The following CLMN variants were observed in gnomAD, a reference collection of about 807,000 sequenced individuals.
CLMN encodes calmin (calponin-like, transmembrane).
A neutral mutation model predicts 92.7 loss-of-function variants in CLMN; 57 were observed. The ratio of observed to expected loss-of-function variants is 0.61; its 90% confidence interval spans 0.50 to 0.77. CLMN has a LOEUF of 0.77. CLMN is among the 30% of genes least tolerant of loss of function. The probability of loss-of-function intolerance (pLI) is 0.00; values close to 1 mark genes in which losing one functional copy is unlikely to be tolerated. For synonymous variants in CLMN, 466 were observed against 470.6 expected (o/e 0.99, Z 0.13); for missense variants, 1,158 against 1,237.5 (o/e 0.94, Z 0.96).
At chr14:95,285,494 G>A (rs2140748199) in intron 1 of CLMN, among the ~76,000 whole-genome samples, 1 of 152,338 alleles carries the variant, frequency 6.6e-6, no homozygotes, top group East Asian at 1.9e-4. Flanking sequence ...TGTGAACGCT[G>A]TCTGGGCCTC....
chr14:95,195,063 C>T (rs557011059), intron 10 of CLMN, among the ~76,000 whole-genome samples: 2 of 152,296 alleles, frequency 1.3e-5, no homozygotes, highest in South Asian at 4.1e-4. Context: ...CCAGTCCTAG[C>T]GGAATGGAGG....
intron 1 of CLMN, among the ~76,000 whole-genome samples, chr14:95,304,523 G>A (rs76833102): frequency 0.066 from 10,067 of 151,986 alleles, 364 homozygotes; most frequent in Middle Eastern, 0.092. Context: ...AGCCGGATCC[G>A]TGCATCCCCT....
At chr14:95,312,606 G>A (rs567854837) in intron 1 of CLMN, among the ~76,000 whole-genome samples, 55 of 152,228 alleles carry the variant, frequency 3.6e-4, no homozygotes, top group African/African-American at 9.4e-4. Context: ...GAGGCTGGCC[G>A]GCCTCACCCC....
intron 1 of CLMN, among the ~76,000 whole-genome samples, chr14:95,258,220 G>A (rs1899085136): frequency 6.6e-6 from 1 of 151,050 alleles, no homozygotes; most frequent in Admixed American, 6.6e-5. Context: ...GGTGTGTGTG[G>A]TGTGCATGGT....
intron 1 of CLMN, among the ~76,000 whole-genome samples, chr14:95,301,032 G>A (rs369301326): frequency 6.6e-6 from 1 of 152,368 alleles, no homozygotes; most frequent in East Asian, 1.9e-4. Context: ...GATGCACTAA[G>A]TAATTTTCCA....
At chr14:95,196,174 A>C (rs1896705668) in intron 10 of CLMN, among the ~76,000 whole-genome samples, 1 of 152,224 alleles carries the variant, frequency 6.6e-6, no homozygotes. Context: ...CAGCCAGCAG[A>C]GGCTCCAAGT....
At chr14:95,205,850 T>G (rs555402889) in intron 8 of CLMN, among the ~76,000 whole-genome samples, 1 of 151,952 alleles carries the variant, frequency 6.6e-6, no homozygotes, top group Non-Finnish European at 1.5e-5. Context: ...AGGGGATAAA[T>G]GCACACAAAA....
At chr14:95,273,274 C>T (rs879707198) in intron 1 of CLMN, among the ~76,000 whole-genome samples, 5 of 152,262 alleles carry the variant, frequency 3.3e-5, no homozygotes, top group South Asian at 2.1e-4. Context: ...GGCCCAGGAC[C>T]GCTCTGGGGA....
At chr14:95,298,745 T>G (rs990735702) in intron 1 of CLMN, among the ~76,000 whole-genome samples, 1 of 152,136 alleles carries the variant, frequency 6.6e-6, no homozygotes, top group Non-Finnish European at 1.5e-5. Flanking sequence ...GACCGTGAAA[T>G]GGAGACAGGT....
At chr14:95,317,427 G>A (rs149612662) in intron 1 of CLMN, among the ~76,000 whole-genome samples, 57 of 152,162 alleles carry the variant, frequency 3.7e-4, no homozygotes, top group African/African-American at 1.1e-3. Flanking sequence ...CAAAAGACAC[G>A]GACAGCTTCA....
chr14:95,289,806 T>C (rs1900492851), intron 1 of CLMN, among the ~76,000 whole-genome samples: 1 of 152,160 alleles, frequency 6.6e-6, no homozygotes, highest in South Asian at 2.1e-4. Context: ...CCATTCATAT[T>C]ATGACCCCAT....
At chr14:95,222,511 G>A (rs1224735397) in intron 3 of CLMN, 4 of 453,422 alleles carry the variant, frequency 8.8e-6, no homozygotes, top group South Asian at 4.7e-5. Flanking sequence ...ACGCTCATGG[G>A]GAAGTGGAGG....
At chr14:95,245,471 G>T (rs941557687) in intron 1 of CLMN, among the ~76,000 whole-genome samples, 1 of 149,708 alleles carries the variant, frequency 6.7e-6, no homozygotes, top group African/African-American at 2.5e-5. Flanking sequence ...GTGATGGATG[G>T]ACGGATGGAT....
intron 9 of CLMN, among the ~76,000 whole-genome samples, chr14:95,197,612 G>T (rs149880768): frequency 1.8e-4 from 27 of 152,300 alleles, no homozygotes; most frequent in African/African-American, 6.3e-4. Flanking sequence ...CTGTGCCTTT[G>T]GCCAAAGGTG....
At position 95,230,078 on chromosome 14, in the gene CLMN, T is replaced by TA; in HGVS notation, c.137dup (p.Glu47ArgfsTer10). 6.2e-7 allele frequency: 1 copy of TA among 1,614,196 alleles called. No homozygotes were observed. Among genetic ancestry groups the TA allele is most frequent in the Non-Finnish European group, 8.5e-7 (1 of 1,179,996 alleles). ...CACCCAAGTGCGCCATTACCTTTTC[T>TA]AGATGTAGATTTATCCATCGTGTAA... On this transcript the variant is annotated frameshift_variant, in exon 2 of 13. Transcript: ENST00000298912. LOFTEE classifies it high-confidence loss of function.
rs745860558 is a variant in CLMN at position 95,256,151 on chromosome 14, A to G, written c.83-26018T>C. 2.0e-5 allele frequency among the ~76,000 whole-genome samples: 3 copies of G among 152,170 alleles called. No homozygotes were observed. Among genetic ancestry groups the G allele is most frequent in the Non-Finnish European group, 4.4e-5 (3 of 68,036 alleles). Reference sequence around the variant, plus strand: ...AACCACTGGGCTACAGGGTAGTTACATGGGTGGGCATATGGGGTACAATGC... The same window carrying G: ...AACCACTGGGCTACAGGGTAGTTACGTGGGTGGGCATATGGGGTACAATGC... On this transcript the variant is annotated intron_variant, in intron 1 of 12. Transcript: ENST00000298912. The surrounding 1 kb of genome is among the most constrained non-coding windows in gnomAD (Gnocchi z 4.9).
intron 1 of CLMN, among the ~76,000 whole-genome samples, chr14:95,302,612 T>C (rs940553573): frequency 6.6e-6 from 1 of 152,220 alleles, no homozygotes; most frequent in Non-Finnish European, 1.5e-5. Context: ...CACATTCCTC[T>C]TTTACTTTAA....
intron 1 of CLMN, among the ~76,000 whole-genome samples, chr14:95,261,166 G>C (rs527365428): frequency 1.4e-5 from 2 of 142,754 alleles, no homozygotes; most frequent in African/African-American, 2.6e-5. Context: ...TAAACGGCAA[G>C]ATCACCGAGA....
chr14:95,265,297 G>A (rs1899429649), intron 1 of CLMN, among the ~76,000 whole-genome samples: 1 of 151,542 alleles, frequency 6.6e-6, no homozygotes, highest in Non-Finnish European at 1.5e-5. Flanking sequence ...TCCATCAAAT[G>A]TGGGTGGGCT....
Sources: allele counts gnomAD v4.1 joint callset (sites outside exome capture counted in the v4.1 genomes callset), GRCh38; gene constraint gnomAD v4.1.1; non-coding constraint Gnocchi (gnomAD v3.1); transcripts MANE v1.5; gene names NCBI Gene and HGNC (gene_info 2026-07-23, HGNC 2026-07-21).